IREB2: variants seen among roughly 807,000 people sequenced by gnomAD.
IREB2 encodes the protein iron responsive element binding protein 2.
Under a neutral mutation model 118.8 loss-of-function variants are expected in IREB2, and 39 were observed. The ratio of observed to expected loss-of-function variants is 0.33; its 90% CI spans 0.25 to 0.43. The LOEUF (loss-of-function observed/expected upper bound fraction) is 0.43. IREB2 is among the 20% of genes least tolerant of loss of function. The pLI, the probability that IREB2 is intolerant of heterozygous loss-of-function variation, is 1.00. For synonymous variants in IREB2, 372 were observed against 392.2 expected (o/e 0.95, Z 0.61); for missense variants, 900 against 1,147.3 (o/e 0.78, Z 3.11).
intron 2 of IREB2, 29 bp downstream of exon 2, chr15:78,439,910 T>A (rs1377464198): frequency 1.5e-6 from 2 of 1,328,818 alleles, no homozygotes; most frequent in Non-Finnish European, 2.2e-6. Context: ...TTCTTGGGTT[T>A]GTTTAGTCTC....
At chr15:78,491,644 C>T (rs776905365) in intron 18 of IREB2, among the ~76,000 whole-genome samples, 7 of 152,026 alleles carry the variant, frequency 4.6e-5, no homozygotes, top group African/African-American at 1.4e-4. Flanking sequence ...ATTACAGGCA[C>T]GCGCCACCAT....
chr15:78,463,520 GT>G (rs1325544233), intron 3 of IREB2, among the ~76,000 whole-genome samples: 1 of 151,484 alleles, frequency 6.6e-6, no homozygotes, highest in African/African-American at 2.4e-5. Flanking sequence ...GTTTTTGTTT[GT>G]TTTTTTAAGG....
At position 78,486,973 on chromosome 15, in the gene IREB2, T is replaced by C. The variant is rs965452609; in HGVS notation, c.1710-760T>C. On this transcript the variant is annotated intron_variant, in intron 13 of 21. Transcript: ENST00000258886. ...GCCTGAGCCACCACACCCAGCCTAG[T>C]TATATTTTCGGTGTGTATTTTGGAA... is the stretch of plus-strand genomic sequence containing the variant. Among the ~76,000 whole-genome samples the C allele has an allele frequency of 2.6e-5, 4 of 152,172 alleles. No individual in the cohort carries two copies. The East Asian group carries it at 7.7e-4, about 29-fold the overall frequency.
intron 21 of IREB2, among the ~76,000 whole-genome samples, chr15:78,497,824 A>G (rs1368695344): frequency 6.6e-6 from 1 of 152,226 alleles, no homozygotes; most frequent in Non-Finnish European, 1.5e-5. Flanking sequence ...TTTTCTACTT[A>G]ACTATGAAGC....
chr15:78,452,138 T>C (rs936304734), intron 2 of IREB2, among the ~76,000 whole-genome samples: 1 of 152,096 alleles, frequency 6.6e-6, no homozygotes, highest in Non-Finnish European at 1.5e-5. Flanking sequence ...TGGGACTAGA[T>C]TTAATGGTGA....
At chr15:78,494,384 T>A in intron 20 of IREB2, 120 bp downstream of exon 20, 1 of 993,548 alleles carries the variant, frequency 1.0e-6, no homozygotes, top group South Asian at 1.6e-5. Flanking sequence ...CTTATAGGTA[T>A]AGAGGGTTTT....
rs1281759698 is a variant in IREB2, at chr15:78,487,841, C to T, written c.1794+24C>T. 3.1e-5 allele frequency: 41 copies of T among 1,321,226 alleles called. No individual in the cohort carries two copies. The East Asian group carries it at 9.2e-4, about 30-fold the overall frequency. The allele number at this position is 1,321,226 out of a possible 1,614,324, so 81.8% of individuals were successfully genotyped here. ...AGGTAAAATGTGTGGATTGGCAAGACATCTAAATGATTTTCTTAACTATGT... is the reference window on the plus strand; with the variant it reads ...AGGTAAAATGTGTGGATTGGCAAGATATCTAAATGATTTTCTTAACTATGT... On this transcript the variant is annotated intron_variant, in intron 14 of 21. Coordinates refer to ENST00000258886, the MANE Select transcript of IREB2 (RefSeq NM_004136.4).
intron 2 of IREB2, among the ~76,000 whole-genome samples, chr15:78,446,819 G>A (rs746623446): frequency 6.6e-6 from 1 of 151,994 alleles, no homozygotes; most frequent in Non-Finnish European, 1.5e-5. Flanking sequence ...GAGAACTGTA[G>A]CAGTTTGGAC....
intron 9 of IREB2, among the ~76,000 whole-genome samples, 174 bp from the exon 10 acceptor site, chr15:78,478,123 A>G (rs530465116): frequency 1.3e-4 from 20 of 151,426 alleles, no homozygotes; most frequent in African/African-American, 4.8e-4. Context: ...GTGGGGTGCT[A>G]CTTGGGAGGC....
At position 78,488,694 on chromosome 15, in the gene IREB2, A is replaced by G; in HGVS notation, c.1999A>G (p.Ser667Gly). ...CATTTACCTGCATGATATTTGGCCTAGTCGAGAAGAAGTTCATCGAGTAGA... is the reference window on the plus strand; with the variant it reads ...CATTTACCTGCATGATATTTGGCCTGGTCGAGAAGAAGTTCATCGAGTAGA... The part of the protein sequence containing the change: ...KNIYLHDIWP[S>G]REEVHRVEEE... The change falls in exon 16 of 22, where the codon AGT becomes GGT. Residue 667 changes from serine (S) to glycine (G), a missense_variant. Coordinates refer to ENST00000258886, the MANE Select transcript of IREB2 (RefSeq NM_004136.4). The G allele has an allele frequency of 6.2e-7, 1 of 1,612,296 alleles. No homozygotes were observed. The highest frequency in any genetic ancestry group is 8.5e-7 in the Non-Finnish European group (1 of 1,178,562).
chr15:78,438,142 C>G (rs1490108879), upstream of IREB2: 1 of 571,394 alleles, frequency 1.8e-6, no homozygotes, highest in Non-Finnish European at 3.2e-6. Flanking sequence ...GTCCGACGAT[C>G]TCGCGGGAGT....
intron 3 of IREB2, 102 bp from the exon 4 acceptor site, chr15:78,465,149 A>G: frequency 1.1e-6 from 1 of 887,252 alleles, no homozygotes; most frequent in Non-Finnish European, 1.7e-6. Flanking sequence ...TGTAAACTAG[A>G]CAGGGATACT....
At chr15:78,469,442 G>A (rs12917068) in intron 5 of IREB2, among the ~76,000 whole-genome samples, 5,971 of 151,912 alleles carry the variant, frequency 0.039, 165 homozygotes, top group Non-Finnish European at 0.059. Context: ...AAAGTTGTCC[G>A]AGTGTGGTGG....
chr15:78,486,751 C>T (rs2051667745), intron 13 of IREB2, among the ~76,000 whole-genome samples: 1 of 152,122 alleles, frequency 6.6e-6, no homozygotes. Flanking sequence ...CTCATTGCAG[C>T]CTCGACCTCC....
chr15:78,485,470 C>T (rs984023824), intron 12 of IREB2, among the ~76,000 whole-genome samples: 2 of 152,130 alleles, frequency 1.3e-5, no homozygotes, highest in African/African-American at 4.8e-5. Context: ...CTTTTGTTTA[C>T]TCTGTGTGAA....
At chr15:78,491,194 A>AT (rs2141524446) in intron 18 of IREB2, among the ~76,000 whole-genome samples, 1 of 152,242 alleles carries the variant, frequency 6.6e-6, no homozygotes, top group African/African-American at 2.4e-5. Flanking sequence ...GCTGGGAATG[A>AT]TATGTACAAA....
chr15:78,439,773 G>T (rs765645506), intron 1 of IREB2, 22 bp from the exon 2 acceptor site: 13 of 1,381,072 alleles, frequency 9.4e-6, no homozygotes, highest in Non-Finnish European at 1.1e-5. Context: ...TGCATTTAAT[G>T]AAAATACAAT....
intron 1 of IREB2, chr15:78,438,563 C>T: frequency 1.7e-6 from 1 of 596,046 alleles, no homozygotes; most frequent in Non-Finnish European, 3.0e-6. Flanking sequence ...CCCTCCTGCG[C>T]GACACCCGCA....
rs2050785264 is a variant in IREB2 at position 78,438,289 on chromosome 15, T to C, written c.-49T>C. On this transcript the variant is annotated 5_prime_UTR_variant, in exon 1 of 22. Transcript: ENST00000258886. ...CCGTCTTCCCTGCCCGGCCTCCCCC[T>C]TCTTCCCCCGCTGGCCCCCTCCCCG... 1 of 1,372,666 alleles carries C rather than the reference T, an allele frequency of 7.3e-7. No homozygotes were observed. The highest frequency in any genetic ancestry group is 1.0e-6 in the Non-Finnish European group (1 of 984,282). 85.0% of individuals were successfully genotyped at this position (1,372,666 alleles called of 1,614,324 possible).
Sources: allele counts gnomAD v4.1 joint callset (sites outside exome capture counted in the v4.1 genomes callset), GRCh38; gene constraint gnomAD v4.1.1; transcripts MANE v1.5; gene names NCBI Gene and HGNC (gene_info 2026-07-23, HGNC 2026-07-21).